PTPRD: variants seen among roughly 807,000 people sequenced by gnomAD.
The protein encoded by PTPRD is protein tyrosine phosphatase receptor type D.
PTPRD carries 34 observed loss-of-function variants against 214.5 expected under a neutral mutation model. The observed-to-expected ratio is 0.16, with a 90% CI of 0.12 to 0.21. The LOEUF (loss-of-function observed/expected upper bound fraction) is 0.21, where lower values mean the gene tolerates loss of function less well. Ranked by LOEUF, PTPRD falls within the 10% of genes least tolerant of loss-of-function variation. The probability of loss-of-function intolerance (pLI) is 1.00; values close to 1 mark genes in which losing one functional copy is unlikely to be tolerated. For synonymous variants in PTPRD, 1,128 were observed against 845.7 expected (o/e 1.33, Z -5.79); for missense variants, 2,545 against 2,398.7 (o/e 1.06, Z -1.27).
At chr9:9,408,322 A>G (rs2074251971) in intron 8 of PTPRD, among the ~76,000 whole-genome samples, 1 of 151,842 alleles carries the variant, frequency 6.6e-6, no homozygotes, top group East Asian at 1.9e-4. Context: ...CAAATAAAAT[A>G]CCATTTATGA....
At chr9:9,855,948 A>G (rs2153678902) in intron 5 of PTPRD, among the ~76,000 whole-genome samples, 1 of 152,288 alleles carries the variant, frequency 6.6e-6, no homozygotes, top group African/African-American at 2.4e-5. Context: ...GTGTGACAGC[A>G]TCCTGTATCC....
chr9:8,347,144 T>C (rs558274573), intron 39 of PTPRD, among the ~76,000 whole-genome samples: 133 of 152,174 alleles, frequency 8.7e-4, no homozygotes, highest in African/African-American at 3.2e-3. Context: ...AGTGACCTCA[T>C]GTTTGTAGCT....
intron 11 of PTPRD, among the ~76,000 whole-genome samples, chr9:9,011,384 T>C (rs907164152): frequency 1.3e-5 from 2 of 152,144 alleles, no homozygotes; most frequent in Admixed American, 6.6e-5. Context: ...TGGATAAATA[T>C]ATGGTAAAAT....
intron 2 of PTPRD, among the ~76,000 whole-genome samples, chr9:10,488,628 T>C (rs193283287): frequency 3.9e-4 from 59 of 152,186 alleles, no homozygotes; most frequent in Non-Finnish European, 7.9e-4. Flanking sequence ...GAAGTCTACT[T>C]GGTGATCTAT....
intron 2 of PTPRD, among the ~76,000 whole-genome samples, chr9:10,488,818 G>C (rs1345773323): frequency 1.3e-5 from 2 of 152,076 alleles, no homozygotes; most frequent in Non-Finnish European, 2.9e-5. Flanking sequence ...CAGATGTGGT[G>C]AATATTACCC....
At chr9:9,968,131 C>T (rs983250381) in intron 4 of PTPRD, among the ~76,000 whole-genome samples, 2 of 152,086 alleles carry the variant, frequency 1.3e-5, no homozygotes, top group South Asian at 4.1e-4. Flanking sequence ...AAAAATTTAT[C>T]ACATTTTAAA....
intron 26 of PTPRD, 51 bp from the exon 27 acceptor site, chr9:8,493,030 C>G (rs2136316838): frequency 6.8e-7 from 1 of 1,476,120 alleles, no homozygotes; most frequent in Non-Finnish European, 9.4e-7. Flanking sequence ...TACTAATGCT[C>G]TGGGGGAAAA....
intron 10 of PTPRD, among the ~76,000 whole-genome samples, chr9:9,097,496 C>T (rs1445439310): frequency 1.3e-5 from 2 of 151,822 alleles, no homozygotes; most frequent in South Asian, 2.1e-4. Flanking sequence ...GCAAGCTCTG[C>T]CGCCCGGATT....
intron 3 of PTPRD, among the ~76,000 whole-genome samples, chr9:10,037,938 T>C (rs1304777299): frequency 6.6e-6 from 1 of 152,180 alleles, no homozygotes; most frequent in Non-Finnish European, 1.5e-5. Context: ...CAAAAAGTAG[T>C]TTAATTTCAC....
chr9:9,575,973 A>G (rs935331449), intron 7 of PTPRD, among the ~76,000 whole-genome samples: 13 of 152,002 alleles, frequency 8.6e-5, no homozygotes, highest in Admixed American at 6.6e-5. Context: ...AGTACTTGCA[A>G]ACTCTTTAGA....
At chr9:10,246,320 T>A (rs1038569612) in intron 3 of PTPRD, among the ~76,000 whole-genome samples, 2 of 152,172 alleles carry the variant, frequency 1.3e-5, no homozygotes, top group African/African-American at 4.8e-5. Flanking sequence ...CTTGGCTCAC[T>A]GCAACCTCCA....
chr9:9,067,695 A>G (rs1256150446), intron 10 of PTPRD, among the ~76,000 whole-genome samples: 1 of 152,210 alleles, frequency 6.6e-6, no homozygotes, highest in Non-Finnish European at 1.5e-5. Flanking sequence ...TAACACAGAG[A>G]GACATCAAAT....
intron 34 of PTPRD, among the ~76,000 whole-genome samples, chr9:8,439,137 G>A (rs1466442319): frequency 6.6e-6 from 1 of 152,150 alleles, no homozygotes; most frequent in Non-Finnish European, 1.5e-5. Context: ...ATGGCAGATG[G>A]ATGTTTCACA....
chr9:9,733,980 C>T (rs1039327431), intron 7 of PTPRD, among the ~76,000 whole-genome samples: 9 of 152,114 alleles, frequency 5.9e-5, no homozygotes, highest in African/African-American at 2.2e-4. Flanking sequence ...ACCAGTACAG[C>T]TTTATCATCC....
At chr9:10,409,554 C>T (rs1244679785) in intron 2 of PTPRD, among the ~76,000 whole-genome samples, 1 of 151,714 alleles carries the variant, frequency 6.6e-6, no homozygotes, top group African/African-American at 2.4e-5. Flanking sequence ...TTATCTCCTA[C>T]CTTTCTAGGA....
intron 9 of PTPRD, among the ~76,000 whole-genome samples, chr9:9,288,234 G>A (rs1234441343): frequency 1.3e-5 from 2 of 151,638 alleles, no homozygotes; most frequent in Non-Finnish European, 2.9e-5. Context: ...GTTGTCGGAG[G>A]TGATTTGTAA....
Position 8,818,613 on chromosome 9 carries a change from T to G in PTPRD, c.-103-84667A>C, listed in dbSNP as rs73431021. Among the ~76,000 whole-genome samples, 585 of 152,328 alleles carry G rather than the reference T, an allele frequency of 3.8e-3. 3 individuals are homozygous for G. Among genetic ancestry groups the G allele is most frequent in the African/African-American group, 0.013 (536 of 41,574 alleles). ...GGCAAAAGCCACATAGTCAAAAAGT[T>G]AAGTCTCCAGAATGCAAAATCATAC... On this transcript the variant is annotated intron_variant, in intron 11 of 45. Transcript: ENST00000381196.
intron 3 of PTPRD, among the ~76,000 whole-genome samples, chr9:10,148,301 A>G (rs372961394): frequency 1.3e-5 from 2 of 152,292 alleles, no homozygotes; most frequent in African/African-American, 4.8e-5. Flanking sequence ...AAATAAATTG[A>G]CCTATTAATA....
intron 36 of PTPRD, among the ~76,000 whole-genome samples, chr9:8,392,550 TC>T (rs2089952384): frequency 6.6e-6 from 1 of 152,048 alleles, no homozygotes; most frequent in Non-Finnish European, 1.5e-5. Context: ...TAATTAATAT[TC>T]TGAAAAATAC....
Sources: allele counts gnomAD v4.1 joint callset (sites outside exome capture counted in the v4.1 genomes callset), GRCh38; gene constraint gnomAD v4.1.1; transcripts MANE v1.5; gene names NCBI Gene and HGNC (gene_info 2026-07-23, HGNC 2026-07-21).